BRWD3: variants seen among roughly 807,000 people sequenced by gnomAD.
The protein encoded by BRWD3 is bromodomain and WD repeat domain containing 3, also known as bromodomain and WD repeat-containing protein 3.
BRWD3 carries 10 observed loss-of-function variants against 149.7 expected under a neutral mutation model. The observed-to-expected ratio is 0.07, with a 90% CI of 0.04 to 0.11. The LOEUF (loss-of-function observed/expected upper bound fraction) is 0.11, where lower values mean the gene tolerates loss of function less well. Ranked by LOEUF, BRWD3 falls within the 10% of genes least tolerant of loss-of-function variation. BRWD3 has a pLI of 1.00. For synonymous variants in BRWD3, 504 were observed against 456.7 expected (o/e 1.10, Z -1.32); for missense variants, 940 against 1,373.2 (o/e 0.68, Z 4.99).
chrX:80,733,145 A>T, intron 12 of BRWD3: 1 of 157,458 alleles, frequency 6.4e-6, no homozygotes, highest in Non-Finnish European at 1.2e-5. Flanking sequence ...AAAAAAAAAA[A>T]GAACAATGTT....
chrX:80,758,029 G>A (rs1179842112), intron 6 of BRWD3, among the ~76,000 whole-genome samples: 4 of 110,891 alleles, frequency 3.6e-5, no homozygotes, highest in Admixed American at 9.6e-5. Context: ...GTGAAACCCC[G>A]TCTCTACTAA....
At chrX:80,778,794 T>G (rs1267139075) in intron 6 of BRWD3, among the ~76,000 whole-genome samples, 1 of 111,432 alleles carries the variant, frequency 9.0e-6, no homozygotes, top group Non-Finnish European at 1.9e-5. Flanking sequence ...AGGTCAGGAG[T>G]TTGAGACCAG....
chrX:80,682,607 A>C lies in BRWD3; in HGVS notation c.4255T>G (p.Leu1419Val), dbSNP rs863224851. 2 of 1,208,880 alleles carry C rather than the reference A, an allele frequency of 1.7e-6. No homozygotes were observed. Among genetic ancestry groups the C allele is most frequent in the Non-Finnish European group, 2.2e-6 (2 of 893,237 alleles). The stretch of plus-strand genomic sequence containing the variant: ...ATATGACTTTCAAATAAGGCAGATA[A>C]TCGCAGCATCATGCTATAGATCTGA... ...KSRIYSMMLRLSALFESHIKN... is the reference protein window; with the variant it reads ...KSRIYSMMLRVSALFESHIKN... The change falls in exon 38 of 41, where the codon TTA (leucine) becomes GTA (valine). Residue 1419 changes from leucine (L) to valine (V), a missense_variant. This residue lies in a region of BRWD3 where 349 missense variants were observed against 419.6 expected (regional missense o/e 0.83). Transcript: ENST00000373275.
At chrX:80,685,441 T>G in intron 36 of BRWD3, 21 bp downstream of exon 36, 1 of 1,172,331 alleles carries the variant, frequency 8.5e-7, no homozygotes, top group East Asian at 3.0e-5. Flanking sequence ...AATATGTCTT[T>G]TAAGAGACTA....
intron 20 of BRWD3, among the ~76,000 whole-genome samples, chrX:80,712,645 G>A (rs1277404914): frequency 1.0e-4 from 10 of 99,945 alleles, no homozygotes; most frequent in African/African-American, 2.9e-4. Context: ...CTGCCTGGCT[G>A]CCCAGTCTGG....
In BRWD3 at chrX:80,691,055, G is replaced by A. The variant is rs150692884; in HGVS notation, c.3600C>T (p.Tyr1200=). Residue 1200 remains tyrosine (Y), a splice_region_variant and synonymous_variant, in exon 31 of 41, where the codon TAC becomes TAT. Transcript: ENST00000373275. ...TAAGTGATTAAAAAAAAACAGACCT[G>A]TAAAAGCGATTTTCAAGTCTCCGCC... is the stretch of plus-strand genomic sequence containing the variant. ...TIRRRLENRF[Y]RRISALMWEV... is the part of the protein sequence containing the mutation. 3 of 1,208,234 alleles carry A rather than the reference G, an allele frequency of 2.5e-6. No individual in the cohort carries two copies. The highest frequency in any genetic ancestry group is 1.1e-6 in the Non-Finnish European group (1 of 893,621).
intron 12 of BRWD3, among the ~76,000 whole-genome samples, chrX:80,731,150 G>A (rs1379762130): frequency 9.0e-6 from 1 of 111,060 alleles, no homozygotes; most frequent in Admixed American, 9.6e-5. Context: ...AGTTGTAGAA[G>A]TGTCCATTTT....
intron 6 of BRWD3, among the ~76,000 whole-genome samples, chrX:80,757,400 T>C (rs2073754639): frequency 1.8e-5 from 2 of 112,366 alleles, no homozygotes; most frequent in Admixed American, 1.9e-4. Flanking sequence ...ATGACTCCTT[T>C]ATATTTTGAA....
chrX:80,698,401 A>G (rs1180807946), intron 25 of BRWD3, among the ~76,000 whole-genome samples: 6 of 111,891 alleles, frequency 5.4e-5, no homozygotes, highest in African/African-American at 1.9e-4. Flanking sequence ...CTAGGACAAC[A>G]AGGTTAGGAT....
intron 6 of BRWD3, among the ~76,000 whole-genome samples, chrX:80,747,271 A>G (rs2073605754): frequency 1.8e-5 from 2 of 109,461 alleles, no homozygotes; most frequent in Admixed American, 2.0e-4. Context: ...AGGGCTTCTC[A>G]ACCTTTAAAC....
chrX:80,696,085 G>C (rs1400775033), intron 26 of BRWD3, 95 bp from the exon 27 acceptor site: 1 of 819,872 alleles, frequency 1.2e-6, no homozygotes, highest in Non-Finnish European at 1.8e-6. Flanking sequence ...TAGACCCATT[G>C]AGAAAAGTTT....
intron 15 of BRWD3, among the ~76,000 whole-genome samples, 170 bp downstream of exon 15, chrX:80,724,763 A>G (rs1161345342): frequency 9.0e-6 from 1 of 111,635 alleles, no homozygotes; most frequent in Non-Finnish European, 1.9e-5. Flanking sequence ...TCATCTTGAA[A>G]GGCTCAACTG....
At chrX:80,691,280 T>G in intron 30 of BRWD3, 107 bp from the exon 31 acceptor site, 1 of 837,109 alleles carries the variant, frequency 1.2e-6, no homozygotes, top group Non-Finnish European at 1.7e-6. Flanking sequence ...ATATACTACT[T>G]TTCTAAAACC....
intron 6 of BRWD3, among the ~76,000 whole-genome samples, chrX:80,774,927 A>G (rs1476024106): frequency 1.8e-5 from 2 of 111,448 alleles, no homozygotes; most frequent in Non-Finnish European, 3.8e-5. Context: ...ACTCTACTTT[A>G]TGTGTTACCT....
At chrX:80,698,480 G>A (rs1053860026) in intron 25 of BRWD3, among the ~76,000 whole-genome samples, 9 of 110,952 alleles carry the variant, frequency 8.1e-5, no homozygotes, top group African/African-American at 2.6e-4. Context: ...AGGCCAAGTC[G>A]GGTGGATCAC....
At chrX:80,775,276 A>C (rs979129917) in intron 6 of BRWD3, among the ~76,000 whole-genome samples, 1 of 111,769 alleles carries the variant, frequency 8.9e-6, no homozygotes, top group Admixed American at 9.5e-5. Context: ...ATGTAGAATA[A>C]TTGGGCCCCT....
chrX:80,726,790 A>G (rs1317799582), intron 14 of BRWD3, among the ~76,000 whole-genome samples: 1 of 110,896 alleles, frequency 9.0e-6, no homozygotes. Flanking sequence ...TCCCCTTATG[A>G]TAAGTACCAT....
Position 80,677,380 on chromosome X carries a change from G to A in BRWD3, c.4655-17C>T, listed in dbSNP as rs1411853844. On this transcript the variant is annotated splice_polypyrimidine_tract_variant and intron_variant, in intron 40 of 40. Coordinates refer to ENST00000373275, the MANE Select transcript of BRWD3 (RefSeq NM_153252.5). ...GGGAGTGATCTAAATTAAAATGAAT[G>A]ATTTTTAATAGTTAAGCTTTGACAT... 8.4e-7 allele frequency: 1 copy of A among 1,189,551 alleles called. No homozygotes were observed. The highest frequency in any genetic ancestry group is 1.8e-5 in the African/African-American group (1 of 56,717).
chrX:80,726,501 T>C (rs939326174), intron 14 of BRWD3, among the ~76,000 whole-genome samples: 1 of 110,680 alleles, frequency 9.0e-6, no homozygotes, highest in East Asian at 2.8e-4. Context: ...CTAGAGAGTA[T>C]ATGATTAAGA....
Sources: gnomAD v4.1 joint callset for allele counts (sites outside exome capture counted in the v4.1 genomes callset) on GRCh38, gnomAD v4.1.1 for gene constraint, gnomAD v4.1.1 regional missense constraint, MANE v1.5 for transcripts, NCBI Gene and HGNC (gene_info 2026-07-23, HGNC 2026-07-21) for gene names.